CSMD1: variants seen among roughly 807,000 people sequenced by gnomAD.
CSMD1 encodes the protein CUB and Sushi multiple domains 1.
CSMD1 carries 213 observed loss-of-function variants against 417.5 expected under a neutral mutation model. The observed-to-expected ratio is 0.51, with a 90% CI of 0.46 to 0.57. The LOEUF is 0.57. Ranked by LOEUF, CSMD1 falls within the 20% of genes least tolerant of loss-of-function variation. The pLI, the probability that CSMD1 is intolerant of heterozygous loss-of-function variation, is 0.00. For synonymous variants in CSMD1, 2,862 were observed against 1,736.8 expected (o/e 1.65, Z -16.11); for missense variants, 6,923 against 4,529.7 (o/e 1.53, Z -15.17).
intron 10 of CSMD1, among the ~76,000 whole-genome samples, chr8:3,538,497 CGATGCCTCACCTGA>C (rs1405096093): frequency 2.0e-5 from 3 of 151,802 alleles, no homozygotes; most frequent in Non-Finnish European, 2.9e-5. Context: ...GCCTCACCTG[CGATGCCTCACCTGA>C]GATGCCCCAC....
At chr8:4,194,661 T>G (rs1470643837) in intron 3 of CSMD1, among the ~76,000 whole-genome samples, 2 of 152,076 alleles carry the variant, frequency 1.3e-5, no homozygotes, top group African/African-American at 4.8e-5. Flanking sequence ...ATAAAAACAT[T>G]TAATAAAATG....
At chr8:3,181,374 T>A (rs1248545665) in intron 36 of CSMD1, among the ~76,000 whole-genome samples, 160 bp from the exon 37 acceptor site, 3 of 152,232 alleles carry the variant, frequency 2.0e-5, no homozygotes, top group Non-Finnish European at 2.9e-5. Flanking sequence ...ATTCAGCCAT[T>A]CTATTTTTCT....
intron 5 of CSMD1, among the ~76,000 whole-genome samples, chr8:3,859,413 G>A (rs1047376238): frequency 2.6e-5 from 4 of 152,120 alleles, no homozygotes; most frequent in Admixed American, 1.3e-4. Flanking sequence ...GTTTACAGAT[G>A]TGTAGTAAAG....
intron 11 of CSMD1, among the ~76,000 whole-genome samples, chr8:3,471,036 C>A (rs1286701293): frequency 6.6e-6 from 1 of 152,126 alleles, no homozygotes; most frequent in Admixed American, 6.5e-5. Flanking sequence ...GAGATAAAAG[C>A]GCAAGAGGGC....
chr8:3,435,029 G>A (rs538899041), intron 12 of CSMD1, among the ~76,000 whole-genome samples: 2 of 150,704 alleles, frequency 1.3e-5, no homozygotes, highest in Non-Finnish European at 2.9e-5. Flanking sequence ...ACAGGACTGG[G>A]AGCTGGTAGC....
intron 7 of CSMD1, among the ~76,000 whole-genome samples, chr8:3,634,421 G>C (rs924295907): frequency 6.6e-6 from 1 of 152,180 alleles, no homozygotes; most frequent in Non-Finnish European, 1.5e-5. Context: ...TCCTCTGTGC[G>C]TGGGGTCACA....
intron 23 of CSMD1, among the ~76,000 whole-genome samples, chr8:3,339,279 C>T (rs554444780): frequency 1.3e-5 from 2 of 152,150 alleles, no homozygotes; most frequent in African/African-American, 2.4e-5. Flanking sequence ...AATTCCTCAT[C>T]CATTTTCACA....
At position 4,079,711 on chromosome 8, in the gene CSMD1, T is replaced by C. The variant is rs188221124; in HGVS notation, c.416-47612A>G. ...CTGTAGTAAACTTGCTTTCTTTCCA[T>C]AGTATGAATAGCCCAATGGATATTT... On this transcript the variant is annotated intron_variant, in intron 3 of 69. Coordinates refer to ENST00000635120, the MANE Select transcript of CSMD1 (RefSeq NM_033225.6). 3.9e-4 allele frequency among the ~76,000 whole-genome samples: 59 copies of C among 152,332 alleles called. No individual in the cohort carries two copies. The South Asian group carries it at 5.6e-3, about 14-fold the overall frequency.
intron 3 of CSMD1, among the ~76,000 whole-genome samples, chr8:4,103,416 C>G (rs1053222189): frequency 6.6e-6 from 1 of 151,206 alleles, no homozygotes; most frequent in Non-Finnish European, 1.5e-5. Flanking sequence ...TTTTCTAAAC[C>G]TTGGCTTTTT....
chr8:4,974,168 C>G (rs971050058), intron 1 of CSMD1, among the ~76,000 whole-genome samples: 2 of 149,228 alleles, frequency 1.3e-5, no homozygotes, highest in South Asian at 4.3e-4. Flanking sequence ...AGGCACATGC[C>G]ACCACACCCA....
intron 1 of CSMD1, among the ~76,000 whole-genome samples, chr8:4,701,447 G>C (rs1329429973): frequency 3.3e-5 from 5 of 151,930 alleles, no homozygotes; most frequent in African/African-American, 1.2e-4. Flanking sequence ...GAGTCTGATG[G>C]GGAGGGGCCA....
chr8:4,521,902 C>A (rs114967101), intron 2 of CSMD1, among the ~76,000 whole-genome samples: 1,853 of 152,288 alleles, frequency 0.012, 39 homozygotes, highest in African/African-American at 0.043. Context: ...CACGCCATGG[C>A]AGGCACACCA....
At chr8:3,839,076 TA>T (rs1225781757) in intron 5 of CSMD1, among the ~76,000 whole-genome samples, 1 of 124,280 alleles carries the variant, frequency 8.0e-6, no homozygotes, top group East Asian at 2.2e-4. Flanking sequence ...ATATATAGCC[TA>T]GGCTATATAT....
chr8:4,791,196 G>C (rs997376947), intron 1 of CSMD1, among the ~76,000 whole-genome samples: 1 of 152,110 alleles, frequency 6.6e-6, no homozygotes, highest in South Asian at 2.1e-4. Flanking sequence ...CTGGTCTTGA[G>C]AGGAGAGGTG....
chr8:3,149,203 AAAAT>A (rs746411090), intron 40 of CSMD1, among the ~76,000 whole-genome samples: 4 of 152,244 alleles, frequency 2.6e-5, no homozygotes, highest in Non-Finnish European at 4.4e-5. Flanking sequence ...TTATAAATAA[AAAAT>A]AAATACAGAA....
At chr8:3,073,242 A>C (rs1178061662) in intron 49 of CSMD1, among the ~76,000 whole-genome samples, 1 of 152,242 alleles carries the variant, frequency 6.6e-6, no homozygotes, top group Non-Finnish European at 1.5e-5. Flanking sequence ...GAAATCATGC[A>C]TGTAAACAGA....
At chr8:3,783,698 C>G (rs867789982) in intron 5 of CSMD1, among the ~76,000 whole-genome samples, 1 of 152,182 alleles carries the variant, frequency 6.6e-6, no homozygotes. Flanking sequence ...ACGGAGGCTC[C>G]CCTCCCCTTT....
intron 10 of CSMD1, among the ~76,000 whole-genome samples, chr8:3,560,571 ATGAAT>A (rs1799426041): frequency 6.6e-6 from 1 of 152,178 alleles, no homozygotes; most frequent in Non-Finnish European, 1.5e-5. Flanking sequence ...GACTCTTAAA[ATGAAT>A]GGGAGAGGAA....
chr8:3,542,448 A>C (rs76893404), intron 10 of CSMD1, among the ~76,000 whole-genome samples: 1 of 152,284 alleles, frequency 6.6e-6, no homozygotes, highest in East Asian at 1.9e-4. Context: ...TAGGGAATGA[A>C]ACTGACAGTC....
Sources: gnomAD v4.1 joint callset for allele counts (sites outside exome capture counted in the v4.1 genomes callset) on GRCh38, gnomAD v4.1.1 for gene constraint, MANE v1.5 for transcripts, NCBI Gene and HGNC (gene_info 2026-07-23, HGNC 2026-07-21) for gene names.